Variants in TOX3 observed in about 807,000 individuals in gnomAD.
The protein encoded by TOX3 is TOX high mobility group box family member 3, also known as CAG trinucleotide repeat-containing gene F9 protein.
TOX3 carries 22 observed loss-of-function variants against 64.3 expected under a neutral mutation model. The ratio of observed to expected loss-of-function variants is 0.34; its 90% CI spans 0.24 to 0.49. TOX3 has a LOEUF of 0.49. TOX3 is among the 20% of genes least tolerant of loss of function. The pLI is 0.99. For synonymous variants in TOX3, 291 were observed against 273.6 expected (o/e 1.06, Z -0.63); for missense variants, 661 against 714.4 (o/e 0.93, Z 0.85).
In TOX3 at chr16:52,438,374, T is replaced by C. The variant is rs1326680601; in HGVS notation, c.*851A>G. 6.5e-6 allele frequency: 1 copy of C among 152,710 alleles called. No homozygotes were observed. Among genetic ancestry groups the C allele is most frequent in the East Asian group, 1.9e-4 (1 of 5,206 alleles). The allele number at this position is 152,710 out of a possible 1,614,324, so 9.5% of individuals were successfully genotyped here. A position where few individuals can be genotyped will look rare whatever the true frequency, so the allele number is the denominator to read the frequency against. ...ATATTCTACTGGTATTACATCATAA[T>C]AAAAACTCTTGCTTTTTCTTTTTAA... On this transcript the variant is annotated 3_prime_UTR_variant, in exon 7 of 7. Coordinates refer to ENST00000219746, the MANE Select transcript of TOX3 (RefSeq NM_001080430.4).
intron 1 of TOX3, among the ~76,000 whole-genome samples, chr16:52,485,157 A>G (rs2151452226): frequency 6.7e-6 from 1 of 149,944 alleles, no homozygotes; most frequent in South Asian, 2.1e-4. Context: ...GTGTGTGTAT[A>G]TATACATGTA....
intron 4 of TOX3, among the ~76,000 whole-genome samples, chr16:52,448,595 C>G (rs1463842575): frequency 6.6e-6 from 1 of 152,130 alleles, no homozygotes; most frequent in African/African-American, 2.4e-5. Flanking sequence ...ATAGAATAAA[C>G]CCTTCATCTT....
At chr16:52,478,066 A>G (rs1196566109) in intron 1 of TOX3, among the ~76,000 whole-genome samples, 1 of 152,244 alleles carries the variant, frequency 6.6e-6, no homozygotes, top group African/African-American at 2.4e-5. Flanking sequence ...TGAAGAAACC[A>G]AAAGAGACCA....
intron 1 of TOX3, among the ~76,000 whole-genome samples, chr16:52,489,599 C>T (rs759731051): frequency 7.2e-5 from 11 of 152,114 alleles, no homozygotes; most frequent in Non-Finnish European, 1.5e-4. Context: ...TTAACACATC[C>T]TCTAACAATT....
At chr16:52,546,581 C>T in intron 1 of TOX3, 56 bp downstream of exon 1, 3 of 1,487,128 alleles carry the variant, frequency 2.0e-6, no homozygotes, top group East Asian at 5.0e-5. Flanking sequence ...GCGCGGGGCG[C>T]GCCCAGGATG....
chr16:52,497,982 T>C (rs1400012454), intron 1 of TOX3, among the ~76,000 whole-genome samples: 4 of 152,178 alleles, frequency 2.6e-5, no homozygotes, highest in African/African-American at 9.7e-5. Flanking sequence ...GATGATGCGA[T>C]CTACTGCACA....
intron 3 of TOX3, among the ~76,000 whole-genome samples, chr16:52,460,519 C>T (rs928791265): frequency 1.3e-5 from 2 of 152,158 alleles, no homozygotes; most frequent in East Asian, 3.9e-4. Flanking sequence ...TGTTTCATTG[C>T]AGGAAAGAAA....
chr16:52,487,716 T>C (rs12447430), intron 1 of TOX3, among the ~76,000 whole-genome samples: 1,560 of 152,218 alleles, frequency 0.01, 25 homozygotes, highest in Admixed American at 0.016. Context: ...CAGATGAGGG[T>C]TTGCAGTTAA....
intron 1 of TOX3, among the ~76,000 whole-genome samples, chr16:52,519,125 C>A (rs946667310): frequency 3.9e-5 from 6 of 152,202 alleles, no homozygotes; most frequent in Non-Finnish European, 8.8e-5. Context: ...GTAGAACCAA[C>A]CTGTTCTAGC....
intron 2 of TOX3, among the ~76,000 whole-genome samples, chr16:52,465,005 C>CTTTTT (rs1168498170): frequency 0.14 from 9,722 of 70,846 alleles, 2,634 homozygotes; most frequent in Non-Finnish European, 0.17. Context: ...TTAATGCATT[C>CTTTTT]TTTTTTTTTT....
chr16:52,485,825 C>T (rs1426911078), intron 1 of TOX3, among the ~76,000 whole-genome samples: 1 of 151,994 alleles, frequency 6.6e-6, no homozygotes, highest in Non-Finnish European at 1.5e-5. Context: ...GGATGGATCC[C>T]AGGAACTTCC....
chr16:52,493,345 C>T (rs980518455), intron 1 of TOX3, among the ~76,000 whole-genome samples: 2 of 152,136 alleles, frequency 1.3e-5, no homozygotes. Flanking sequence ...CAGAATCCAG[C>T]TCTTTGGGAA....
intron 1 of TOX3, among the ~76,000 whole-genome samples, chr16:52,469,556 C>T (rs2151759960): frequency 6.6e-6 from 1 of 152,126 alleles, no homozygotes; most frequent in South Asian, 2.1e-4. Context: ...TCAAATAAAA[C>T]ATAGGTTTGA....
rs40842 is a variant in TOX3, at chr16:52,466,659, T to C, written c.153+1850A>G. On this transcript the variant is annotated intron_variant, in intron 2 of 6. Transcript: ENST00000219746. ...ATAATTAGGAAGGTTTTTATTTTTGTTCAGGAACAGAGAGAGATGTCATAT... is the reference window on the plus strand; with the variant it reads ...ATAATTAGGAAGGTTTTTATTTTTGCTCAGGAACAGAGAGAGATGTCATAT... 8.9e-4 allele frequency among the ~76,000 whole-genome samples: 135 copies of C among 152,304 alleles called. 1 individual carries two copies. The highest frequency in any genetic ancestry group is 2.9e-3 in the African/African-American group (120 of 41,568).
intron 1 of TOX3, among the ~76,000 whole-genome samples, chr16:52,504,802 G>A (rs936710474): frequency 3.4e-4 from 52 of 150,882 alleles, no homozygotes; most frequent in African/African-American, 1.2e-3. Context: ...AGTCACTGGA[G>A]ATATATTTAA....
chr16:52,495,606 C>A (rs971698949), intron 1 of TOX3, among the ~76,000 whole-genome samples: 2 of 152,166 alleles, frequency 1.3e-5, no homozygotes, highest in Admixed American at 1.3e-4. Context: ...ACAGCACATG[C>A]ACATGTGGTG....
rs1247759176 is a variant in TOX3 at position 52,523,414 on chromosome 16, G to A, written c.87+23223C>T. On this transcript the variant is annotated intron_variant, in intron 1 of 6. Transcript: ENST00000219746. ...TCAGGGAGCCATTGGAGAGCTCCAA[G>A]CAGAGGAGTCACAGGGACCTAGCTT... 2.0e-5 allele frequency among the ~76,000 whole-genome samples: 3 copies of A among 152,290 alleles called. No individual in the cohort carries two copies. The East Asian group carries it at 5.8e-4, about 29-fold the overall frequency.
intron 6 of TOX3, among the ~76,000 whole-genome samples, chr16:52,440,578 A>G (rs1160747296): frequency 6.6e-6 from 1 of 152,150 alleles, no homozygotes; most frequent in Non-Finnish European, 1.5e-5. Context: ...TTAAGTCTGT[A>G]CTAACGACTT....
At position 52,546,827 on chromosome 16, in the gene TOX3, G is replaced by A. The variant is rs904915416; in HGVS notation, c.-104C>T. Reference sequence around the variant, plus strand: ...CCACCGTCGAGGGCGCCCGGGGGTGGCGCGTGGGACTCGCGGCCGGAGGGG... The same window carrying A: ...CCACCGTCGAGGGCGCCCGGGGGTGACGCGTGGGACTCGCGGCCGGAGGGG... On this transcript the variant is annotated 5_prime_UTR_variant, in exon 1 of 7. Coordinates refer to ENST00000219746, the MANE Select transcript of TOX3 (RefSeq NM_001080430.4). 1 of 1,264,300 alleles carries A rather than the reference G, an allele frequency of 7.9e-7. No homozygotes were observed. The highest frequency in any genetic ancestry group is 1.6e-5 in the African/African-American group (1 of 64,036). 78.3% of individuals were successfully genotyped at this position (1,264,300 alleles called of 1,614,324 possible).
Sources: gnomAD v4.1 joint callset for allele counts (sites outside exome capture counted in the v4.1 genomes callset) on GRCh38, gnomAD v4.1.1 for gene constraint, MANE v1.5 for transcripts, NCBI Gene and HGNC (gene_info 2026-07-23, HGNC 2026-07-21) for gene names.